Variants in DLG2 observed in about 807,000 individuals in gnomAD.
DLG2 encodes the protein discs large MAGUK scaffold protein 2, also known as disks large homolog 2.
DLG2 carries 45 observed loss-of-function variants against 132.5 expected under a neutral mutation model. The observed-to-expected ratio is 0.34, with a 90% confidence interval of 0.27 to 0.44. The LOEUF (loss-of-function observed/expected upper bound fraction) is 0.44. DLG2 is among the 20% of genes least tolerant of loss of function. DLG2 has a pLI of 1.00. For missense variants in DLG2, 1,045 were observed against 1,196.9 expected (o/e 0.87, Z 1.87); for synonymous variants, 424 against 419.6 (o/e 1.01, Z -0.13).
chr11:83,906,306 CACACACACACACA>C lies in DLG2; in HGVS notation c.1496+24009_1496+24021del, dbSNP rs1565586452. Among the ~76,000 whole-genome samples the C allele has an allele frequency of 1.3e-4, 18 of 138,498 alleles. 1 individual carries two copies. The highest frequency in any genetic ancestry group is 3.7e-3 in the Middle Eastern group (1 of 272). The allele number at this position is 138,498 out of a possible 152,430, so 90.9% of individuals were successfully genotyped here. On this transcript the variant is annotated intron_variant, in intron 15 of 27. Transcript: ENST00000376104. Reference sequence around the variant, plus strand: ...ACACACACACACACACACACACACACACACACACACACACCTCGGCCTCCCAAAGTGCTGGGAT... The same window carrying C: ...ACACACACACACACACACACACACACCCTCGGCCTCCCAAAGTGCTGGGAT...
intron 5 of DLG2, among the ~76,000 whole-genome samples, chr11:85,143,189 T>C (rs2076608393): frequency 6.6e-6 from 1 of 151,814 alleles, no homozygotes; most frequent in African/African-American, 2.4e-5. Flanking sequence ...TGAATTTTTC[T>C]GTGATGGGAG....
At chr11:83,929,628 T>A (rs1466246156) in intron 15 of DLG2, among the ~76,000 whole-genome samples, 1 of 152,184 alleles carries the variant, frequency 6.6e-6, no homozygotes, top group Non-Finnish European at 1.5e-5. Flanking sequence ...AAGGTCAAAT[T>A]TGGACTCTAC....
chr11:85,051,489 T>C (rs1419820337), intron 6 of DLG2, among the ~76,000 whole-genome samples: 1 of 152,174 alleles, frequency 6.6e-6, no homozygotes, highest in African/African-American at 2.4e-5. Context: ...TTTAACTACG[T>C]GCCAAGCACT....
At chr11:83,650,862 C>T (rs2070050914) in intron 18 of DLG2, among the ~76,000 whole-genome samples, 1 of 152,156 alleles carries the variant, frequency 6.6e-6, no homozygotes, top group African/African-American at 2.4e-5. Context: ...AAGACAGCTT[C>T]TATTCAAACA....
At chr11:85,247,892 A>G (rs1157550917) in intron 4 of DLG2, among the ~76,000 whole-genome samples, 2 of 152,064 alleles carry the variant, frequency 1.3e-5, no homozygotes, top group African/African-American at 4.8e-5. Flanking sequence ...GCCACATTTT[A>G]CAATCATTGC....
intron 6 of DLG2, among the ~76,000 whole-genome samples, chr11:84,741,273 C>T (rs1203689471): frequency 6.6e-6 from 1 of 151,646 alleles, no homozygotes; most frequent in Non-Finnish European, 1.5e-5. Context: ...TCACCGTGGT[C>T]TCGATCTCCT....
At chr11:85,302,727 G>GT (rs924151437) in intron 3 of DLG2, among the ~76,000 whole-genome samples, 3 of 151,960 alleles carry the variant, frequency 2.0e-5, no homozygotes, top group Admixed American at 1.3e-4. Flanking sequence ...CACATTCAGC[G>GT]TAATAGTAGA....
intron 15 of DLG2, among the ~76,000 whole-genome samples, chr11:83,903,779 A>G (rs1290056526): frequency 1.3e-5 from 2 of 152,172 alleles, no homozygotes; most frequent in African/African-American, 4.8e-5. Context: ...ACCTCCTGTC[A>G]TTCAAGAATA....
At chr11:84,153,834 TAC>T (rs2095363666) in intron 9 of DLG2, among the ~76,000 whole-genome samples, 1 of 152,196 alleles carries the variant, frequency 6.6e-6, no homozygotes, top group Non-Finnish European at 1.5e-5. Context: ...TTTCAGCCAT[TAC>T]AATCTCATTA....
chr11:84,711,038 G>T (rs2060352972), intron 6 of DLG2, among the ~76,000 whole-genome samples: 1 of 135,172 alleles, frequency 7.4e-6, no homozygotes. Context: ...ATATAGAGCT[G>T]AAAAAAGCAT....
chr11:84,050,008 T>C (rs1027169521), intron 11 of DLG2, among the ~76,000 whole-genome samples: 4 of 151,610 alleles, frequency 2.6e-5, no homozygotes, highest in African/African-American at 9.7e-5. Context: ...TAAGAAATGG[T>C]ACACAGGGCA....
intron 18 of DLG2, among the ~76,000 whole-genome samples, chr11:83,733,910 C>T (rs2091449466): frequency 6.6e-6 from 1 of 152,108 alleles, no homozygotes; most frequent in Non-Finnish European, 1.5e-5. Flanking sequence ...TCTCATTCCT[C>T]ATCCCTCTCC....
chr11:84,256,831 T>A (rs545649746), intron 7 of DLG2, among the ~76,000 whole-genome samples: 5 of 152,286 alleles, frequency 3.3e-5, no homozygotes, highest in African/African-American at 1.2e-4. Flanking sequence ...TGCATGTGTA[T>A]GTGTGTGATT....
chr11:83,662,380 AC>A (rs1200586975), intron 18 of DLG2, among the ~76,000 whole-genome samples: 1 of 152,024 alleles, frequency 6.6e-6, no homozygotes, highest in Non-Finnish European at 1.5e-5. Context: ...CAAAGACACG[AC>A]CCCCAGCTCT....
intron 6 of DLG2, among the ~76,000 whole-genome samples, chr11:84,870,335 A>C (rs2085287839): frequency 1.3e-5 from 2 of 152,298 alleles, no homozygotes; most frequent in South Asian, 4.1e-4. Flanking sequence ...GGTTAAATTG[A>C]AAAACACTCT....
At chr11:85,458,305 T>A (rs909367045) in intron 3 of DLG2, among the ~76,000 whole-genome samples, 1 of 152,218 alleles carries the variant, frequency 6.6e-6, no homozygotes, top group Non-Finnish European at 1.5e-5. Flanking sequence ...TTATTCCTTA[T>A]AATGGCCATT....
In DLG2 at chr11:84,151,592, G is replaced by A. The variant is rs375342988; in HGVS notation, c.624+11869C>T. Among the ~76,000 whole-genome samples, 5 of 151,956 alleles carry A rather than the reference G, an allele frequency of 3.3e-5. No individual in the cohort carries two copies. In the East Asian group the frequency reaches 7.7e-4, roughly 23 times the overall value. On this transcript the variant is annotated intron_variant, in intron 9 of 27. Transcript: ENST00000376104. ...AGTTCTTTTCTTCTGCTAGCTTTGA[G>A]GTTAGTTTGTTCTTGTTTTTCTAGA... is the stretch of plus-strand genomic sequence containing the variant.
chr11:83,859,702 T>C lies in DLG2; in HGVS notation c.1565+14718A>G, dbSNP rs548226003. On this transcript the variant is annotated intron_variant, in intron 16 of 27. Coordinates refer to ENST00000376104, the MANE Select transcript of DLG2 (RefSeq NM_001142699.3). ...AGCCAGCTGCAGAAATTTGCATAAG[T>C]AATGAGGAGCTGAATGTTAGTCACC... 1.8e-4 allele frequency among the ~76,000 whole-genome samples: 28 copies of C among 152,190 alleles called. 1 individual carries two copies. The highest frequency in any genetic ancestry group is 2.9e-4 in the Non-Finnish European group (20 of 68,030).
intron 18 of DLG2, among the ~76,000 whole-genome samples, chr11:83,643,019 C>G (rs1441193658): frequency 6.6e-6 from 1 of 152,064 alleles, no homozygotes; most frequent in South Asian, 2.1e-4. Context: ...TATTCCCTGT[C>G]TATAAAATGG....
Sources: gnomAD v4.1 joint callset for allele counts (sites outside exome capture counted in the v4.1 genomes callset) on GRCh38, gnomAD v4.1.1 for gene constraint, MANE v1.5 for transcripts, NCBI Gene and HGNC (gene_info 2026-07-23, HGNC 2026-07-21) for gene names.